Variants in NECTIN2 observed in about 807,000 individuals in gnomAD.
The protein encoded by NECTIN2 is nectin cell adhesion molecule 2.
In NECTIN2, 23 loss-of-function variants were observed where a neutral mutation model predicts 56.9. The observed-to-expected ratio is 0.40, with a 90% CI of 0.29 to 0.57. The LOEUF is 0.57. Ranked by LOEUF, NECTIN2 falls within the 20% of genes least tolerant of loss-of-function variation. The pLI is 0.38. For missense variants in NECTIN2, 587 were observed against 718.3 expected, an observed-to-expected ratio of 0.82 and a Z score of 2.09; for synonymous variants, 302 against 313.8, an observed-to-expected ratio of 0.96 and a Z score of 0.40.
intron 1 of NECTIN2, among the ~76,000 whole-genome samples, chr19:44,851,439 C>G (rs928713934): frequency 1.3e-5 from 2 of 152,148 alleles, no homozygotes; most frequent in Non-Finnish European, 2.9e-5. Context: ...CCTCCTTTCT[C>G]AGACCCAGGA....
At chr19:44,846,716 G>A (rs909401585) in intron 1 of NECTIN2, 103 bp downstream of exon 1, 3 of 1,032,848 alleles carry the variant, frequency 2.9e-6, no homozygotes, top group Admixed American at 4.1e-5. Context: ...CCGGCTCCCC[G>A]AGCCCCCTCT....
At chr19:44,849,878 G>A (rs184500322) in intron 1 of NECTIN2, among the ~76,000 whole-genome samples, 19 of 152,290 alleles carry the variant, frequency 1.2e-4, no homozygotes, top group East Asian at 5.8e-4. Context: ...ATAATTGCTC[G>A]GGTGATGGAT....
chr19:44,852,973 A>G (rs961534293), intron 1 of NECTIN2, among the ~76,000 whole-genome samples: 2 of 152,146 alleles, frequency 1.3e-5, no homozygotes, highest in Admixed American at 1.3e-4. Flanking sequence ...TTAGTCAAGT[A>G]TGGTGGTGCC....
chr19:44,878,278 G>A (rs1309077736), intron 5 of NECTIN2: 1 of 1,201,912 alleles, frequency 8.3e-7, no homozygotes, highest in Non-Finnish European at 1.2e-6. Context: ...GGGCCGTGGG[G>A]GGGACACTGC....
At position 44,878,811 on chromosome 19, in the gene NECTIN2, T is replaced by G. The variant is rs1247236292; in HGVS notation, c.1043-3400T>G. The G allele has an allele frequency of 1.2e-5, 17 of 1,382,888 alleles. No homozygotes were observed. In the East Asian group the frequency reaches 3.5e-4, roughly 29 times the overall value. 85.7% of individuals were successfully genotyped at this position (1,382,888 alleles called of 1,614,324 possible). A position where few individuals can be genotyped will look rare whatever the true frequency, so the allele number is the denominator to read the frequency against. On this transcript the variant is annotated intron_variant, in intron 5 of 8. Transcript: ENST00000252483. ...GACTTCTCCCGTCTCTAGGGCTGCA[T>G]GGGGAGCCCGGGGAGCTGAGTAGTG... is the stretch of plus-strand genomic sequence containing the variant.
intron 6 of NECTIN2, among the ~76,000 whole-genome samples, chr19:44,884,636 G>A (rs1406863628): frequency 1.3e-5 from 2 of 152,212 alleles, no homozygotes; most frequent in Non-Finnish European, 2.9e-5. Flanking sequence ...TATGGAGGAG[G>A]AGACAAAACT....
intron 6 of NECTIN2, 69 bp from the exon 7 acceptor site, chr19:44,885,868 T>A: frequency 2.3e-6 from 3 of 1,304,040 alleles, no homozygotes; most frequent in Non-Finnish European, 1.1e-6. Context: ...GAACAGCATG[T>A]GCCATAACCC....
intron 5 of NECTIN2, among the ~76,000 whole-genome samples, chr19:44,877,216 T>C (rs1969249463): frequency 6.6e-6 from 1 of 152,094 alleles, no homozygotes; most frequent in Non-Finnish European, 1.5e-5. Flanking sequence ...CCCTCCTGTG[T>C]GTCGAGGTGT....
intron 1 of NECTIN2, among the ~76,000 whole-genome samples, chr19:44,864,637 A>G (rs952542108): frequency 1.3e-5 from 2 of 152,132 alleles, no homozygotes; most frequent in African/African-American, 4.8e-5. Context: ...TGGCTAACAC[A>G]GTGAAACCCC....
At chr19:44,860,825 A>T (rs1969023606) in intron 1 of NECTIN2, among the ~76,000 whole-genome samples, 1 of 151,856 alleles carries the variant, frequency 6.6e-6, no homozygotes, top group African/African-American at 2.4e-5. Context: ...TCCTGACCTC[A>T]AGTGGCCCAC....
At chr19:44,883,521 C>T (rs1447190156) in intron 6 of NECTIN2, among the ~76,000 whole-genome samples, 4 of 152,312 alleles carry the variant, frequency 2.6e-5, no homozygotes, top group East Asian at 1.9e-4. Context: ...GTGATCCACC[C>T]GCCTCGGCCT....
rs1568584256 is a variant in NECTIN2, at chr19:44,846,494, CCGGCCG to C, written c.-31_-26del. 7.0e-7 allele frequency: 1 copy of C among 1,432,938 alleles called. No individual in the cohort carries two copies. The highest frequency in any genetic ancestry group is 9.1e-7 in the Non-Finnish European group (1 of 1,103,542). The allele number at this position is 1,432,938 out of a possible 1,614,324, so 88.8% of individuals were successfully genotyped here. On this transcript the variant is annotated 5_prime_UTR_variant, in exon 1 of 9. Transcript: ENST00000252483. Reference sequence around the variant, plus strand: ...CCCCCACAGAGTGGCCCGCGGGCCTCCGGCCGGGCCCAGTCCCCTCCCGGGCCCTCC... The same window carrying C: ...CCCCCACAGAGTGGCCCGCGGGCCTCGGCCCAGTCCCCTCCCGGGCCCTCC...
At chr19:44,882,587 C>T (rs1457953564) in intron 6 of NECTIN2, among the ~76,000 whole-genome samples, 1 of 151,126 alleles carries the variant, frequency 6.6e-6, no homozygotes, top group African/African-American at 2.4e-5. Flanking sequence ...GTGGCTTACA[C>T]CTGCCATCCC....
chr19:44,884,227 T>C lies in NECTIN2; in HGVS notation c.1197-1710T>C, dbSNP rs181518580. 3.7e-3 allele frequency among the ~76,000 whole-genome samples: 567 copies of C among 152,298 alleles called. 4 individuals carry two copies. Among genetic ancestry groups the C allele is most frequent in the Non-Finnish European group, 5.3e-3 (358 of 68,024 alleles). ...CTCAGGCTAGAGTTCAGTGGTATAATCTGAGCTCACTGCAACCTTCGCCTC... is the reference window on the plus strand; with the variant it reads ...CTCAGGCTAGAGTTCAGTGGTATAACCTGAGCTCACTGCAACCTTCGCCTC... On this transcript the variant is annotated intron_variant, in intron 6 of 8. Transcript: ENST00000252483.
In NECTIN2 at chr19:44,886,770, G is replaced by C. The variant is rs190856220; in HGVS notation, c.1347+551G>C. Among the ~76,000 whole-genome samples the C allele has an allele frequency of 1.4e-3, 209 of 152,054 alleles. 1 individual carries two copies. Among genetic ancestry groups the C allele is most frequent in the African/African-American group, 4.9e-3 (202 of 41,450 alleles). ...AATAAAATCACCTGGGCCGGGCATGGTGGCTCTGGTCTATAATCCCAGTAC... is the reference window on the plus strand; with the variant it reads ...AATAAAATCACCTGGGCCGGGCATGCTGGCTCTGGTCTATAATCCCAGTAC... On this transcript the variant is annotated intron_variant, in intron 8 of 8. Coordinates refer to ENST00000252483, the MANE Select transcript of NECTIN2 (RefSeq NM_001042724.2).
At chr19:44,869,913 A>C (rs1969152563) in intron 2 of NECTIN2, among the ~76,000 whole-genome samples, 1 of 152,126 alleles carries the variant, frequency 6.6e-6, no homozygotes. Context: ...GCACCACTGC[A>C]CTGCATCCTG....
At chr19:44,879,330 G>A (rs1457885359) in intron 5 of NECTIN2, among the ~76,000 whole-genome samples, 1 of 152,112 alleles carries the variant, frequency 6.6e-6, no homozygotes, top group East Asian at 1.9e-4. Flanking sequence ...GGCTCAGCCA[G>A]GTTCCCTGCG....
At chr19:44,862,039 T>C (rs1478000756) in intron 1 of NECTIN2, among the ~76,000 whole-genome samples, 1 of 152,200 alleles carries the variant, frequency 6.6e-6, no homozygotes, top group Non-Finnish European at 1.5e-5. Flanking sequence ...AAGATACATG[T>C]ATGCGTATGT....
At chr19:44,881,148 T>C (rs73052307) in intron 5 of NECTIN2, among the ~76,000 whole-genome samples, 17,067 of 151,838 alleles carry the variant, frequency 0.11, 1,102 homozygotes, top group Non-Finnish European at 0.14. Context: ...TCTTGAACAA[T>C]CCGCCCGCCT....
Sources: gnomAD v4.1 joint callset for allele counts (sites outside exome capture counted in the v4.1 genomes callset) on GRCh38, gnomAD v4.1.1 for gene constraint, MANE v1.5 for transcripts, NCBI Gene and HGNC (gene_info 2026-07-23, HGNC 2026-07-21) for gene names.